DNAH11: variants seen among roughly 807,000 people sequenced by gnomAD.
DNAH11 encodes dynein axonemal heavy chain 11.
In DNAH11, 442 loss-of-function variants were observed where a neutral mutation model predicts 526.0. That is an observed-to-expected ratio of 0.84 (90% CI 0.78 to 0.91). DNAH11 has a LOEUF of 0.91. Among genes scored for constraint, DNAH11 ranks in the 40% least tolerant of loss-of-function variants. The pLI is 0.00. For synonymous variants in DNAH11, 2,461 were observed against 1,935.9 expected (o/e 1.27, Z -7.12); for missense variants, 6,989 against 5,448.7 (o/e 1.28, Z -8.90).
chr7:21,732,395 C>A (rs1484632106), intron 45 of DNAH11, among the ~76,000 whole-genome samples: 1 of 152,150 alleles, frequency 6.6e-6, no homozygotes, highest in Non-Finnish European at 1.5e-5. Flanking sequence ...CTCTTTAAAG[C>A]CCGTGTCTCC....
chr7:21,729,720 A>T (rs79125891), intron 45 of DNAH11, among the ~76,000 whole-genome samples: 98,587 of 151,710 alleles, frequency 0.65, 32,460 homozygotes, highest in South Asian at 0.73. Flanking sequence ...GTCTCACCAG[A>T]ACCATCTGAG....
chr7:21,842,593 C>T lies in DNAH11; in HGVS notation c.10741C>T (p.Leu3581Phe). Reference protein sequence around the residue: ...KECEFNKNFRLILHTKLANPH... With the variant: ...KECEFNKNFRFILHTKLANPH... ...ATGTGAATTTAACAAGAACTTTCGC[C>T]TTATCCTTCACACAAAATTGGCAAA... The change falls in exon 66 of 82, where the codon CTT (leucine) becomes TTT (phenylalanine). Residue 3581 changes from leucine to phenylalanine, a missense_variant. Transcript: ENST00000409508. 1 of 1,613,910 alleles carries T rather than the reference C, an allele frequency of 6.2e-7. No individual in the cohort carries two copies. The highest frequency in any genetic ancestry group is 8.5e-7 in the Non-Finnish European group (1 of 1,179,860).
chr7:21,628,468 G>A (rs796707591), intron 25 of DNAH11, among the ~76,000 whole-genome samples: 2 of 152,026 alleles, frequency 1.3e-5, no homozygotes, highest in African/African-American at 4.8e-5. Context: ...TGTTCCTTCT[G>A]TGCCAATTTT....
At chr7:21,806,850 T>C (rs1789283738) in intron 62 of DNAH11, among the ~76,000 whole-genome samples, 1 of 152,206 alleles carries the variant, frequency 6.6e-6, no homozygotes, top group Non-Finnish European at 1.5e-5. Flanking sequence ...GTAAATCAGA[T>C]TTTAAATGGC....
intron 42 of DNAH11, among the ~76,000 whole-genome samples, chr7:21,713,576 G>C (rs1192359765): frequency 6.6e-6 from 1 of 152,042 alleles, no homozygotes; most frequent in African/African-American, 2.4e-5. Context: ...CTTTTGGCAT[G>C]GTACTGTCCC....
chr7:21,573,210 G>A (rs1212335701), intron 8 of DNAH11, among the ~76,000 whole-genome samples: 1 of 152,142 alleles, frequency 6.6e-6, no homozygotes, highest in African/African-American at 2.4e-5. Flanking sequence ...CCTAAAGCCT[G>A]CATAGTCACA....
Position 21,571,797 on chromosome 7 carries a change from T to C in DNAH11, c.1426-9T>C, listed in dbSNP as rs72655983. On this transcript the variant is annotated splice_polypyrimidine_tract_variant and intron_variant, in intron 7 of 81. Transcript: ENST00000409508. The stretch of plus-strand genomic sequence containing the variant: ...TAGTGGAAAGGTCTTTACTGTGTTT[T>C]TTACAAAGGATATATTTGCCACCAC... 1.0e-2 allele frequency: 15,933 copies of C among 1,600,906 alleles called. 123 individuals carry two copies. The highest frequency in any genetic ancestry group is 0.012 in the Non-Finnish European group (14,534 of 1,175,062).
At chr7:21,846,804 C>G (rs890208334) in intron 66 of DNAH11, among the ~76,000 whole-genome samples, 1 of 152,068 alleles carries the variant, frequency 6.6e-6, no homozygotes, top group Non-Finnish European at 1.5e-5. Context: ...TCCCTTAACT[C>G]TTTTCTTCCA....
intron 20 of DNAH11, among the ~76,000 whole-genome samples, chr7:21,611,510 T>C (rs887351700): frequency 6.6e-6 from 1 of 152,176 alleles, no homozygotes; most frequent in African/African-American, 2.4e-5. Flanking sequence ...GTTCTGTCTT[T>C]CTGGAGAACC....
At position 21,620,140 on chromosome 7, in the gene DNAH11, AT is replaced by A. The variant is rs1785975698; in HGVS notation, c.4500+63del. On this transcript the variant is annotated intron_variant, in intron 25 of 81. Transcript: ENST00000409508. The stretch of plus-strand genomic sequence containing the variant: ...TTATTTTTATTTGACAAATAATTGT[AT>A]ATATAGGGTACCATGTGATGTTTTG... 3 of 1,313,838 alleles carry A rather than the reference AT, an allele frequency of 2.3e-6. No homozygotes were observed. In the Admixed American group the frequency reaches 8.2e-5, roughly 36 times the overall value. 81.4% of individuals were successfully genotyped at this position (1,313,838 alleles called of 1,614,324 possible). A position where few individuals can be genotyped will look rare whatever the true frequency, so the allele number is the denominator to read the frequency against.
Position 21,790,478 on chromosome 7 carries a change from C to T in DNAH11, c.10026+1136C>T, listed in dbSNP as rs188746755. On this transcript the variant is annotated intron_variant, in intron 61 of 81. Coordinates refer to ENST00000409508, the MANE Select transcript of DNAH11 (RefSeq NM_001277115.2). ...CAACAAAAAGAAAAGAAAATATTTT[C>T]AATGAATATTGTATGTACTACTAAA... Among the ~76,000 whole-genome samples, 20 of 152,158 alleles carry T rather than the reference C, an allele frequency of 1.3e-4. No homozygotes were observed. In the East Asian group the frequency reaches 2.3e-3, roughly 18 times the overall value.
intron 65 of DNAH11, among the ~76,000 whole-genome samples, chr7:21,823,731 G>T (rs1790153667): frequency 6.6e-6 from 1 of 152,074 alleles, no homozygotes; most frequent in Non-Finnish European, 1.5e-5. Flanking sequence ...TTTTATTTCT[G>T]TTACTAGGTG....
chr7:21,648,227 A>G (rs1787447166), intron 28 of DNAH11, among the ~76,000 whole-genome samples: 1 of 152,218 alleles, frequency 6.6e-6, no homozygotes, highest in African/African-American at 2.4e-5. Context: ...CAAAGTGCAT[A>G]AAGAACCAAT....
At chr7:21,713,566 C>G (rs540711496) in intron 42 of DNAH11, among the ~76,000 whole-genome samples, 62 of 152,264 alleles carry the variant, frequency 4.1e-4, no homozygotes, top group African/African-American at 1.4e-3. Context: ...TGTGATTACC[C>G]TTTTGGCATG....
chr7:21,736,668 T>A (rs1346471578), intron 46 of DNAH11, among the ~76,000 whole-genome samples: 2 of 152,190 alleles, frequency 1.3e-5, no homozygotes, highest in African/African-American at 4.8e-5. Context: ...AATCATTTGG[T>A]CTTGTCTTTA....
At chr7:21,830,153 C>T (rs1167668714) in intron 65 of DNAH11, among the ~76,000 whole-genome samples, 1 of 152,146 alleles carries the variant, frequency 6.6e-6, no homozygotes, top group Non-Finnish European at 1.5e-5. Context: ...AGACGGTTGT[C>T]ATTATTATAA....
rs535218404 is a variant in DNAH11, at chr7:21,588,501, T to C, written c.1849-11T>C. On this transcript the variant is annotated splice_polypyrimidine_tract_variant and intron_variant, in intron 10 of 81. Transcript: ENST00000409508. ...CCCTTTCTTCCTCTTCACCAAAATA[T>C]CAACTTGCAGATTGAATGTGGTCAT... 1.4e-5 allele frequency: 22 copies of C among 1,612,702 alleles called. No individual in the cohort carries two copies. In the African/African-American group the frequency reaches 2.5e-4, roughly 19 times the overall value.
At position 21,558,969 on chromosome 7, in the gene DNAH11, G is replaced by T. The variant is rs371426283; in HGVS notation, c.663G>T (p.Met221Ile). ...LLPIPTVAGK[M>I]DLDQNCSENK... ...CAATTCCCACTGTTGCAGGAAAGAT[G>T]GATCTGGATCAGAATTGTTCAGAGA... Residue 221 changes from methionine to isoleucine, a missense_variant, in exon 3 of 82, where the codon ATG becomes ATT. Transcript: ENST00000409508. The T allele has an allele frequency of 6.9e-6, 11 of 1,587,130 alleles. No homozygotes were observed. In the African/African-American group the frequency reaches 1.3e-4, roughly 19 times the overall value.
At chr7:21,863,363 G>A (rs1277401114) in intron 69 of DNAH11, among the ~76,000 whole-genome samples, 1 of 152,190 alleles carries the variant, frequency 6.6e-6, no homozygotes, top group Non-Finnish European at 1.5e-5. Flanking sequence ...GAGTCTCGCT[G>A]TGTCGCCAGG....
Sources: gnomAD v4.1 joint callset for allele counts (sites outside exome capture counted in the v4.1 genomes callset) on GRCh38, gnomAD v4.1.1 for gene constraint, MANE v1.5 for transcripts, NCBI Gene and HGNC (gene_info 2026-07-23, HGNC 2026-07-21) for gene names.